Variants in ZNF157 observed in about 807,000 individuals in gnomAD.
ZNF157 encodes zinc finger protein 157, also known as zinc finger protein 22.
In ZNF157, 8 loss-of-function variants were observed where a neutral mutation model predicts 9.4. The ratio of observed to expected loss-of-function variants is 0.85; its 90% CI spans 0.50 to 1.53. The LOEUF is 1.53. Among genes scored for constraint, ZNF157 ranks in the 40% most tolerant of loss-of-function variants. The pLI, the probability that ZNF157 is intolerant of heterozygous loss-of-function variation, is 0.00. For missense variants in ZNF157, 316 were observed against 385.2 expected, an observed-to-expected ratio of 0.82 and a Z score of 1.50; for synonymous variants, 120 against 130.8, an observed-to-expected ratio of 0.92 and a Z score of 0.56.
intron 1 of ZNF157, among the ~76,000 whole-genome samples, chrX:47,397,247 T>C (rs1363283439): frequency 6.3e-5 from 6 of 95,180 alleles, no homozygotes; most frequent in South Asian, 5.4e-4. Flanking sequence ...CTTTCTTTTT[T>C]TTTTTTTTTT....
intron 1 of ZNF157, among the ~76,000 whole-genome samples, chrX:47,400,927 G>A (rs1423072306): frequency 8.9e-6 from 1 of 111,765 alleles, no homozygotes; most frequent in Non-Finnish European, 1.9e-5. Flanking sequence ...AAAGTACTGG[G>A]ACTATAGGCA....
At chrX:47,402,760 T>C (rs1414264568) in intron 1 of ZNF157, among the ~76,000 whole-genome samples, 2 of 108,174 alleles carry the variant, frequency 1.8e-5, no homozygotes, top group African/African-American at 6.7e-5. Context: ...CCCAGGATGG[T>C]CTCCATCTCC....
intron 1 of ZNF157, among the ~76,000 whole-genome samples, chrX:47,377,430 G>A (rs4553039): frequency 0.23 from 25,286 of 109,750 alleles, 2,734 homozygotes; most frequent in South Asian, 0.41. Flanking sequence ...AGTTACACCA[G>A]CATTTGGTAT....
chrX:47,406,408 C>G (rs2055947415), intron 1 of ZNF157, among the ~76,000 whole-genome samples: 1 of 110,435 alleles, frequency 9.1e-6, no homozygotes, highest in Admixed American at 9.8e-5. Flanking sequence ...GAGTCTCACT[C>G]TGTCACCCAG....
At chrX:47,385,544 C>T (rs868140305) in intron 1 of ZNF157, among the ~76,000 whole-genome samples, 15 of 90,372 alleles carry the variant, frequency 1.7e-4, no homozygotes, top group Admixed American at 5.2e-4. Context: ...TAAGCGATTC[C>T]GTGTGTGTGT....
chrX:47,376,820 C>T (rs1303644045), intron 1 of ZNF157, among the ~76,000 whole-genome samples: 3 of 111,364 alleles, frequency 2.7e-5, no homozygotes, highest in African/African-American at 9.8e-5. Flanking sequence ...TGTTCATTCC[C>T]GAGCATAGGC....
rs1485447979 is a variant in ZNF157 at position 47,412,402 on chromosome X, T to C, written c.329T>C (p.Val110Ala). The change falls in exon 4 of 4, where the codon GTT becomes GCT. Residue 110 changes from valine to alanine, a missense_variant. Coordinates refer to ENST00000377073, the MANE Select transcript of ZNF157 (RefSeq NM_003446.4). ...TCACTGCTGTGTGGCAATGGTTCTG[T>C]TGGGGATAATGCCCTCAGGCATGAT... ...SLSLLCGNGS[V>A]GDNALRHDND... 2 of 1,206,194 alleles carry C rather than the reference T, an allele frequency of 1.7e-6. No individual in the cohort carries two copies. Among genetic ancestry groups the C allele is most frequent in the Non-Finnish European group, 2.2e-6 (2 of 891,974 alleles).
rs1158860178 is a variant in ZNF157, at chrX:47,413,235, T to A, written c.1162T>A (p.Cys388Ser). 8.3e-7 allele frequency: 1 copy of A among 1,211,622 alleles called. No individual in the cohort carries two copies. Among genetic ancestry groups the A allele is most frequent in the Non-Finnish European group, 1.1e-6 (1 of 895,449 alleles). ...RIHTGEKPYE[C>S]NECGNAFYVK... ...TCACACAGGAGAGAAACCTTACGAATGTAATGAGTGTGGTAATGCTTTCTA... is the reference window on the plus strand; with the variant it reads ...TCACACAGGAGAGAAACCTTACGAAAGTAATGAGTGTGGTAATGCTTTCTA... The change falls in exon 4 of 4, where the codon TGT becomes AGT. Residue 388 changes from cysteine (C) to serine (S), a missense_variant. Coordinates refer to ENST00000377073, the MANE Select transcript of ZNF157 (RefSeq NM_003446.4).
rs772544931 is a variant in ZNF157 at position 47,412,620 on chromosome X, A to G, written c.547A>G (p.Ile183Val). 3 of 1,212,295 alleles carry G rather than the reference A, an allele frequency of 2.5e-6. No individual in the cohort carries two copies. The highest frequency in any genetic ancestry group is 2.2e-5 in the Admixed American group (1 of 46,057). Residue 183 changes from isoleucine (I) to valine (V), a missense_variant, in exon 4 of 4, where the codon ATA becomes GTA. This residue lies in a region of ZNF157 where 146 missense variants were observed against 183.8 expected (regional missense o/e 0.79). Transcript: ENST00000377073. Reference sequence around the variant, plus strand: ...GTCAAACCTTGTTGAACATCTGAGAATACACACAGGAGAGAGACCCTATGA... The same window carrying G: ...GTCAAACCTTGTTGAACATCTGAGAGTACACACAGGAGAGAGACCCTATGA... ...RKSNLVEHLR[I>V]HTGERPYECG...
intron 1 of ZNF157, among the ~76,000 whole-genome samples, chrX:47,377,281 C>T (rs1365344865): frequency 2.0e-5 from 2 of 100,952 alleles, no homozygotes; most frequent in East Asian, 3.5e-4. Context: ...CCCAAATGCT[C>T]GGGGAGACTG....
chrX:47,374,150 A>G (rs756198914), intron 1 of ZNF157, among the ~76,000 whole-genome samples: 12 of 110,929 alleles, frequency 1.1e-4, no homozygotes, highest in Non-Finnish European at 2.3e-4. Flanking sequence ...ACCTGATGCT[A>G]TATCCTGGCA....
intron 1 of ZNF157, among the ~76,000 whole-genome samples, chrX:47,404,809 T>G (rs968736879): frequency 9.0e-6 from 1 of 111,039 alleles, no homozygotes; most frequent in Non-Finnish European, 1.9e-5. Flanking sequence ...TTTTTAAATT[T>G]TTTTTTGACT....
rs749105956 is a variant in ZNF157 at position 47,413,790 on chromosome X, T to G, written c.*196T>G. The G allele has an allele frequency of 3.3e-6, 2 of 614,669 alleles. No individual in the cohort carries two copies. Among genetic ancestry groups the G allele is most frequent in the African/African-American group, 4.5e-5 (2 of 44,448 alleles). 50.7% of individuals were successfully genotyped at this position (614,669 alleles called of 1,213,427 possible). ...CTTATCTGTTGATTGGCTATTTGGG[T>G]TTTTTCTTCTGTGCATTGACTGTTC... On this transcript the variant is annotated 3_prime_UTR_variant, in exon 4 of 4. Transcript: ENST00000377073.
In ZNF157 at chrX:47,370,645, G is replaced by A. The variant is rs759272287; in HGVS notation, c.-24G>A. 5 of 1,195,956 alleles carry A rather than the reference G, an allele frequency of 4.2e-6. No homozygotes were observed. In the South Asian group the frequency reaches 9.2e-5, roughly 22 times the overall value. On this transcript the variant is annotated 5_prime_UTR_variant, in exon 1 of 4. Transcript: ENST00000377073. ...ACACAGACAGCTGTCCAGCACGGAA[G>A]GTGGGCTGAGGCCCAGGGTGAACAT...
At position 47,410,850 on chromosome X, in the gene ZNF157, G is replaced by T. The variant is rs757406166; in HGVS notation, c.295+75G>T. 2.4e-6 allele frequency: 2 copies of T among 830,815 alleles called. 1 individual carries two copies. The highest frequency in any genetic ancestry group is 4.8e-5 in the South Asian group (2 of 41,422). 68.5% of individuals were successfully genotyped at this position (830,815 alleles called of 1,213,427 possible). On this transcript the variant is annotated intron_variant, in intron 3 of 3. Transcript: ENST00000377073. ...CCCAGGAATTCAGGTCAAAGGGTAT[G>T]CTTGTGCAACACTTTCTAGGAATCT...
Position 47,379,001 on chromosome X carries a change from TTA to T in ZNF157, c.72+8263_72+8264del, listed in dbSNP as rs2055853212. 2.7e-5 allele frequency among the ~76,000 whole-genome samples: 3 copies of T among 111,296 alleles called. No individual in the cohort carries two copies. In the South Asian group the frequency reaches 1.1e-3, roughly 43 times the overall value. On this transcript the variant is annotated intron_variant, in intron 1 of 3. Coordinates refer to ENST00000377073, the MANE Select transcript of ZNF157 (RefSeq NM_003446.4). ...CAACGGTAGTTTCAATACAAGTCCT[TTA>T]TGAGATAAGTGTTTTGCAAATATTT...
At chrX:47,407,966 C>A (rs192465507) in intron 1 of ZNF157, among the ~76,000 whole-genome samples, 1 of 111,813 alleles carries the variant, frequency 8.9e-6, no homozygotes, top group Admixed American at 9.6e-5. Flanking sequence ...AAAGAAATAC[C>A]TGAGACTGGG....
intron 1 of ZNF157, among the ~76,000 whole-genome samples, chrX:47,399,434 C>T (rs917482506): frequency 9.0e-6 from 1 of 111,659 alleles, no homozygotes; most frequent in Non-Finnish European, 1.9e-5. Context: ...CAGTTGTAGC[C>T]CTGGTCCTGG....
chrX:47,384,684 C>T lies in ZNF157; in HGVS notation c.72+13944C>T, dbSNP rs543561038. On this transcript the variant is annotated intron_variant, in intron 1 of 3. Coordinates refer to ENST00000377073, the MANE Select transcript of ZNF157 (RefSeq NM_003446.4). Reference sequence around the variant, plus strand: ...GCCCTTTGTGGAGCAGAGACCGGCGCTTATGGCAAAAGCCTAAGAGCGCCT... The same window carrying T: ...GCCCTTTGTGGAGCAGAGACCGGCGTTTATGGCAAAAGCCTAAGAGCGCCT... Among the ~76,000 whole-genome samples, 22 of 112,718 alleles carry T rather than the reference C, an allele frequency of 2.0e-4. No individual in the cohort carries two copies. In the South Asian group the frequency reaches 6.2e-3, roughly 32 times the overall value.
Sources: gnomAD v4.1 joint callset for allele counts (sites outside exome capture counted in the v4.1 genomes callset) on GRCh38, gnomAD v4.1.1 for gene constraint, gnomAD v4.1.1 regional missense constraint, MANE v1.5 for transcripts, NCBI Gene and HGNC (gene_info 2026-07-23, HGNC 2026-07-21) for gene names.